The following ZC3H12B variants were observed in gnomAD, a reference collection of about 807,000 sequenced individuals.
The protein encoded by ZC3H12B is probable ribonuclease ZC3H12B.
ZC3H12B carries 7 observed loss-of-function variants against 43.9 expected under a neutral mutation model. The observed-to-expected ratio is 0.16, with a 90% CI of 0.09 to 0.30. The LOEUF is 0.30. Among genes scored for constraint, ZC3H12B ranks in the 10% least tolerant of loss-of-function variants. ZC3H12B has a pLI of 1.00. For missense variants in ZC3H12B, 475 were observed against 670.2 expected (o/e 0.71, Z 3.22); for synonymous variants, 222 against 241.7 (o/e 0.92, Z 0.76).
chrX:65,346,525 G>C, the ZC3H12B span, among the ~76,000 whole-genome samples: 1 of 111,331 alleles, frequency 9.0e-6, no homozygotes, highest in Non-Finnish European at 1.9e-5. Flanking sequence ...AAAAATCCTA[G>C]AAAAAAACCC....
At chrX:65,407,047 G>A (rs898975941) in intron 3 of ZC3H12B, among the ~76,000 whole-genome samples, 1 of 112,671 alleles carries the variant, frequency 8.9e-6, no homozygotes, top group African/African-American at 3.2e-5. Flanking sequence ...GCCCTTTGCG[G>A]AGAAGCACAC....
the ZC3H12B span, among the ~76,000 whole-genome samples, chrX:65,155,091 G>A: frequency 9.2e-6 from 1 of 109,285 alleles, no homozygotes; most frequent in African/African-American, 3.3e-5. Flanking sequence ...AAGTAGCTGG[G>A]ACTACAGACA....
At chrX:65,131,353 G>A in the ZC3H12B span, among the ~76,000 whole-genome samples, 1 of 111,658 alleles carries the variant, frequency 9.0e-6, no homozygotes, top group African/African-American at 3.3e-5. Context: ...GGATCAGAAA[G>A]ATACAGTCAT....
At chrX:65,359,320 C>T in the ZC3H12B span, among the ~76,000 whole-genome samples, 1 of 111,793 alleles carries the variant, frequency 8.9e-6, no homozygotes, top group Non-Finnish European at 1.9e-5. Flanking sequence ...TTTTCAAGTC[C>T]TATTATTTAA....
intron 3 of ZC3H12B, among the ~76,000 whole-genome samples, chrX:65,432,684 C>A (rs2067177413): frequency 8.9e-6 from 1 of 112,184 alleles, no homozygotes; most frequent in Non-Finnish European, 1.9e-5. Context: ...ATGCTTCTTT[C>A]TCAGTTGTAG....
At chrX:65,275,914 A>C in the ZC3H12B span, among the ~76,000 whole-genome samples, 2 of 112,214 alleles carry the variant, frequency 1.8e-5, no homozygotes, top group Non-Finnish European at 3.8e-5. Flanking sequence ...TCAATGAAAT[A>C]CAATAGAATG....
chrX:65,383,018 A>G (rs7883672), intron 2 of ZC3H12B, among the ~76,000 whole-genome samples: 25,670 of 110,164 alleles, frequency 0.23, 7,618 homozygotes, highest in African/African-American at 0.82. Flanking sequence ...CGTGAAAATG[A>G]CCATACTGCC....
the ZC3H12B span, among the ~76,000 whole-genome samples, chrX:65,085,130 G>A: frequency 1.8e-5 from 2 of 111,493 alleles, no homozygotes; most frequent in Non-Finnish European, 3.8e-5. Context: ...AGATGGGAGT[G>A]GGAAGGTGGA....
chrX:65,128,424 C>T, the ZC3H12B span, among the ~76,000 whole-genome samples: 2 of 111,564 alleles, frequency 1.8e-5, no homozygotes, highest in African/African-American at 6.5e-5. Flanking sequence ...TTGGAAAACA[C>T]CCTTGGTATG....
At chrX:65,215,699 C>A in the ZC3H12B span, among the ~76,000 whole-genome samples, 1 of 111,411 alleles carries the variant, frequency 9.0e-6, no homozygotes, top group Non-Finnish European at 1.9e-5. Context: ...ATTTCAATGT[C>A]TTTTGTTTTG....
At chrX:65,457,175 C>T (rs1170506018) in intron 3 of ZC3H12B, among the ~76,000 whole-genome samples, 3 of 80,919 alleles carry the variant, frequency 3.7e-5, no homozygotes, top group Non-Finnish European at 4.8e-5. Flanking sequence ...CCGGCTGCCC[C>T]GTCTGAGAAG....
chrX:65,109,432 C>T, the ZC3H12B span, among the ~76,000 whole-genome samples: 3 of 111,923 alleles, frequency 2.7e-5, no homozygotes, highest in Admixed American at 9.5e-5. Context: ...AGCATTTCAT[C>T]TAAATGTAAT....
chrX:65,321,285 CAAATG>C, the ZC3H12B span, among the ~76,000 whole-genome samples: 5 of 111,845 alleles, frequency 4.5e-5, no homozygotes, highest in Non-Finnish European at 9.4e-5. Context: ...GGCCAAGAAA[CAAATG>C]AAAACGAAAA....
chrX:65,157,935 A>T, the ZC3H12B span, among the ~76,000 whole-genome samples: 3 of 59,213 alleles, frequency 5.1e-5, no homozygotes, highest in South Asian at 5.0e-3. Context: ...CCCCCACCCC[A>T]CAACAGGCCC....
the ZC3H12B span, among the ~76,000 whole-genome samples, chrX:65,171,436 G>C: frequency 9.0e-6 from 1 of 110,873 alleles, no homozygotes; most frequent in African/African-American, 3.3e-5. Context: ...GCTGTATGAG[G>C]TGTCAGTCGG....
intron 3 of ZC3H12B, among the ~76,000 whole-genome samples, chrX:65,457,548 A>ACCCCGTCT (rs1421091843): frequency 1.2e-5 from 1 of 86,161 alleles, no homozygotes. Context: ...CCCGGCCACG[A>ACCCCGTCT]CCCCGTCTGG....
chrX:65,128,347 C>T, the ZC3H12B span, among the ~76,000 whole-genome samples: 26 of 112,101 alleles, frequency 2.3e-4, no homozygotes, highest in East Asian at 5.6e-3. Context: ...TGTTGTTTAA[C>T]GTCAAAGTGT....
chrX:65,200,542 C>T, the ZC3H12B span, among the ~76,000 whole-genome samples: 1 of 104,846 alleles, frequency 9.5e-6, no homozygotes, highest in South Asian at 4.5e-4. Context: ...AAGCGATTCT[C>T]CTACCTCAGC....
At chrX:65,291,848 A>G in the ZC3H12B span, among the ~76,000 whole-genome samples, 2 of 112,207 alleles carry the variant, frequency 1.8e-5, no homozygotes, top group Non-Finnish European at 3.8e-5. Context: ...TACAATGCTA[A>G]CACTAATTAA....
Sources: allele counts gnomAD v4.1 joint callset (sites outside exome capture counted in the v4.1 genomes callset), GRCh38; gene constraint gnomAD v4.1.1; transcripts MANE v1.5; gene names NCBI Gene and HGNC (gene_info 2026-07-23, HGNC 2026-07-21).